The following GDAP2 variants were observed in gnomAD, a reference collection of about 807,000 sequenced individuals.
The protein encoded by GDAP2 is ganglioside induced differentiation associated protein 2, also known as ganglioside-induced differentiation-associated protein 2.
A neutral mutation model predicts 67.0 loss-of-function variants in GDAP2; 51 were observed. The ratio of observed to expected loss-of-function variants is 0.76; its 90% CI spans 0.61 to 0.96. The LOEUF is 0.96. Ranked by LOEUF, GDAP2 falls within the 40% of genes least tolerant of loss-of-function variation. The pLI is 0.00. For synonymous variants in GDAP2, 203 were observed against 207.3 expected, an observed-to-expected ratio of 0.98 and a Z score of 0.18; for missense variants, 547 against 588.3, an observed-to-expected ratio of 0.93 and a Z score of 0.73.
intron 13 of GDAP2, chr1:117,877,144 T>C: frequency 4.7e-6 from 1 of 213,016 alleles, no homozygotes; most frequent in Non-Finnish European, 8.1e-6. Flanking sequence ...TATTAGCCAT[T>C]AGATCACATT....
At position 117,896,828 on chromosome 1, in the gene GDAP2, C is replaced by A; in HGVS notation, c.953+5G>T. ...GTATCTAACAGTCCTGAAGGGTTGT[C>A]TTACTTTCTTTGATGCTGCTTCTGC... On this transcript the variant is annotated splice_donor_5th_base_variant and intron_variant, in intron 8 of 13. Coordinates refer to ENST00000369443, the MANE Select transcript of GDAP2 (RefSeq NM_017686.4). 6.2e-7 allele frequency: 1 copy of A among 1,606,670 alleles called. No homozygotes were observed. The highest frequency in any genetic ancestry group is 8.5e-7 in the Non-Finnish European group (1 of 1,176,262).
At chr1:117,891,886 T>A (rs1364526444) in intron 8 of GDAP2, among the ~76,000 whole-genome samples, 2 of 152,152 alleles carry the variant, frequency 1.3e-5, no homozygotes, top group African/African-American at 4.8e-5. Flanking sequence ...TATCTAAAGT[T>A]GATTTGTCCA....
intron 8 of GDAP2, among the ~76,000 whole-genome samples, chr1:117,889,545 A>G (rs1648994448): frequency 6.6e-6 from 1 of 152,050 alleles, no homozygotes; most frequent in South Asian, 2.1e-4. Flanking sequence ...TAGGTTCTAC[A>G]TATAAGTGAG....
Position 117,896,920 on chromosome 1 carries a change from C to T in GDAP2, c.866G>A (p.Arg289Gln), listed in dbSNP as rs201142632. ...LSFIGSHAFA[R>Q]MEGDIDKQRK... is the part of the protein sequence containing the mutation. ...TTGCTTGTCAATATCTCCTTCCATTCGAGCAAAAGCATGAGAGCCAATGAA... is the reference window on the plus strand; with the variant it reads ...TTGCTTGTCAATATCTCCTTCCATTTGAGCAAAAGCATGAGAGCCAATGAA... The change falls in exon 8 of 14, where the codon CGA (arginine) becomes CAA (glutamine). Residue 289 changes from arginine (R) to glutamine (Q), a missense_variant. Coordinates refer to ENST00000369443, the MANE Select transcript of GDAP2 (RefSeq NM_017686.4). 9.9e-6 allele frequency: 16 copies of T among 1,611,752 alleles called. No individual in the cohort carries two copies. Among genetic ancestry groups the T allele is most frequent in the East Asian group, 4.5e-5 (2 of 44,814 alleles).
intron 6 of GDAP2, among the ~76,000 whole-genome samples, chr1:117,905,540 C>T (rs751680218): frequency 2.0e-5 from 3 of 152,122 alleles, no homozygotes; most frequent in Non-Finnish European, 4.4e-5. Flanking sequence ...AAAGTTATGT[C>T]CTATCCTTCC....
chr1:117,886,339 T>C (rs1648853349), intron 10 of GDAP2, among the ~76,000 whole-genome samples: 1 of 152,184 alleles, frequency 6.6e-6, no homozygotes, highest in Admixed American at 6.5e-5. Flanking sequence ...AACAAAGCAG[T>C]TGTGGTTTTG....
intron 5 of GDAP2, among the ~76,000 whole-genome samples, chr1:117,911,546 C>T (rs1413315879): frequency 1.3e-5 from 2 of 151,968 alleles, no homozygotes; most frequent in Non-Finnish European, 2.9e-5. Flanking sequence ...TGGGGGCCGT[C>T]CAATTCAAAT....
intron 13 of GDAP2, among the ~76,000 whole-genome samples, chr1:117,873,991 T>C (rs1648375885): frequency 6.6e-6 from 1 of 152,194 alleles, no homozygotes; most frequent in Non-Finnish European, 1.5e-5. Context: ...GTGCTGTTTC[T>C]ACAGTCATTG....
chr1:117,877,754 C>G, intron 13 of GDAP2: 1 of 1,187,364 alleles, frequency 8.4e-7, no homozygotes, highest in Non-Finnish European at 1.0e-6. Context: ...ACAATACAAA[C>G]GAAAATTGGT....
chr1:117,882,067 G>C lies in GDAP2; in HGVS notation c.1248-190C>G, dbSNP rs558421260. ...TTCAGAGAACATTCCATTTTTTAAA[G>C]TATCTCTTTTATAGGAGATATTAAG... On this transcript the variant is annotated intron_variant, in intron 11 of 13. Coordinates refer to ENST00000369443, the MANE Select transcript of GDAP2 (RefSeq NM_017686.4). Among the ~76,000 whole-genome samples, 6 of 152,220 alleles carry C rather than the reference G, an allele frequency of 3.9e-5. No individual in the cohort carries two copies. In the South Asian group the frequency reaches 8.3e-4, roughly 21 times the overall value.
At chr1:117,905,869 A>C (rs1013357589) in intron 6 of GDAP2, among the ~76,000 whole-genome samples, 12 of 152,174 alleles carry the variant, frequency 7.9e-5, no homozygotes, top group South Asian at 4.1e-4. Context: ...ATACGAATGT[A>C]TTAGCTTATT....
At chr1:117,904,398 G>C (rs1200687495) in intron 6 of GDAP2, among the ~76,000 whole-genome samples, 3 of 152,196 alleles carry the variant, frequency 2.0e-5, no homozygotes, top group Admixed American at 1.3e-4. Context: ...CTAAGAGGAT[G>C]TGTGACAGTA....
chr1:117,907,182 T>C (rs1649685450), intron 5 of GDAP2, among the ~76,000 whole-genome samples: 1 of 152,206 alleles, frequency 6.6e-6, no homozygotes, highest in Non-Finnish European at 1.5e-5. Flanking sequence ...TTTACTTCAG[T>C]TCTTAACTCA....
In GDAP2 at chr1:117,899,090, T is replaced by C. The variant is rs1480447769; in HGVS notation, c.763A>G (p.Ile255Val). The C allele has an allele frequency of 1.2e-6, 2 of 1,613,654 alleles. No individual in the cohort carries two copies. The highest frequency in any genetic ancestry group is 1.7e-6 in the Non-Finnish European group (2 of 1,179,594). Reference protein sequence around the residue: ...EGEPVVPERQIRISEKPGAPE... With the variant: ...EGEPVVPERQVRISEKPGAPE... ...GCACCAGGTTTCTCACTTATTCTAA[T>C]CTGTCGTTCAGGTACCACAGGCTCC... is the stretch of plus-strand genomic sequence containing the variant. The change falls in exon 7 of 14, where the codon ATT becomes GTT. Residue 255 changes from isoleucine (I) to valine (V), a missense_variant. By Grantham distance (29) the Ile-to-Val change is conservative. Coordinates refer to ENST00000369443, the MANE Select transcript of GDAP2 (RefSeq NM_017686.4).
intron 4 of GDAP2, 57 bp from the exon 5 acceptor site, chr1:117,912,139 A>G: frequency 1.0e-6 from 1 of 963,970 alleles, no homozygotes; most frequent in Non-Finnish European, 1.7e-6. Flanking sequence ...TACATACACA[A>G]CAATATATAA....
intron 3 of GDAP2, among the ~76,000 whole-genome samples, 188 bp from the exon 4 acceptor site, chr1:117,912,871 T>A (rs1382706599): frequency 6.6e-6 from 1 of 152,162 alleles, no homozygotes; most frequent in Non-Finnish European, 1.5e-5. Flanking sequence ...ACAATAGGTA[T>A]AAGCACAGAG....
chr1:117,873,435 C>T (rs1376595608), intron 13 of GDAP2, among the ~76,000 whole-genome samples: 1 of 151,654 alleles, frequency 6.6e-6, no homozygotes, highest in African/African-American at 2.4e-5. Flanking sequence ...TAAACAGATA[C>T]TAACCACTTC....
chr1:117,922,988 C>T (rs1315883413), intron 1 of GDAP2, among the ~76,000 whole-genome samples: 1 of 152,158 alleles, frequency 6.6e-6, no homozygotes, highest in Non-Finnish European at 1.5e-5. Context: ...CATTCTTTTC[C>T]CAGGGCTGTT....
At chr1:117,917,723 T>C (rs78188865) in intron 3 of GDAP2, among the ~76,000 whole-genome samples, 1,749 of 152,302 alleles carry the variant, frequency 0.011, 33 homozygotes, top group African/African-American at 0.04. Flanking sequence ...GTGTTAAATT[T>C]TCTTATATTC....
Sources: allele counts gnomAD v4.1 joint callset (sites outside exome capture counted in the v4.1 genomes callset), GRCh38; gene constraint gnomAD v4.1.1; transcripts MANE v1.5; gene names NCBI Gene and HGNC (gene_info 2026-07-23, HGNC 2026-07-21).